Variants in GTF3C2 observed in about 807,000 individuals in gnomAD.
GTF3C2 encodes general transcription factor IIIC subunit 2.
Under a neutral mutation model 117.4 loss-of-function variants are expected in GTF3C2, and 17 were observed. That is an observed-to-expected ratio of 0.14 (90% CI 0.10 to 0.22). The LOEUF (loss-of-function observed/expected upper bound fraction) is 0.22, where lower values mean the gene tolerates loss of function less well. Ranked by LOEUF, GTF3C2 falls within the 10% of genes least tolerant of loss-of-function variation. GTF3C2 has a pLI of 1.00. For synonymous variants in GTF3C2, 437 were observed against 427.0 expected, an observed-to-expected ratio of 1.02 and a Z score of -0.29; for missense variants, 888 against 1,143.6, an observed-to-expected ratio of 0.78 and a Z score of 3.22.
At chr2:27,331,307 T>C (rs960908626) in intron 12 of GTF3C2, among the ~76,000 whole-genome samples, 1 of 152,098 alleles carries the variant, frequency 6.6e-6, no homozygotes, top group East Asian at 1.9e-4. Context: ...TAGCAGAAAG[T>C]CTACTTATAT....
intron 1 of GTF3C2, among the ~76,000 whole-genome samples, chr2:27,351,474 C>T (rs1435945988): frequency 6.6e-6 from 1 of 152,092 alleles, no homozygotes; most frequent in Non-Finnish European, 1.5e-5. Context: ...CCTGCTGAAT[C>T]AACAAGCCCC....
chr2:27,348,377 C>T (rs1680994043), intron 1 of GTF3C2, among the ~76,000 whole-genome samples: 3 of 151,522 alleles, frequency 2.0e-5, no homozygotes, highest in Admixed American at 2.0e-4. Flanking sequence ...GAGGTGGAGG[C>T]TGCAGTGAGC....
chr2:27,345,973 G>A (rs1249098070), intron 1 of GTF3C2, among the ~76,000 whole-genome samples: 4 of 149,314 alleles, frequency 2.7e-5, no homozygotes, highest in African/African-American at 7.4e-5. Context: ...CCTTGGCCCC[G>A]CAAAGTGCTA....
intron 6 of GTF3C2, 57 bp downstream of exon 6, chr2:27,337,424 C>G: frequency 6.8e-7 from 1 of 1,462,616 alleles, no homozygotes; most frequent in Non-Finnish European, 9.6e-7. Flanking sequence ...CTCTGTCACC[C>G]TTTCGTCTCC....
At chr2:27,335,685 C>A in exon 10 of GTF3C2, 1 of 1,561,418 alleles carries the variant, frequency 6.4e-7, no homozygotes, top group African/African-American at 1.4e-5. Context: ...GCCAAGAGAC[C>A]CAACCGGGGC....
chr2:27,346,702 T>A (rs1680929022), intron 1 of GTF3C2, among the ~76,000 whole-genome samples: 1 of 150,776 alleles, frequency 6.6e-6, no homozygotes, highest in East Asian at 1.9e-4. Context: ...TAAAAAAAAT[T>A]TTTTTTTTCT....
intron 4 of GTF3C2, among the ~76,000 whole-genome samples, chr2:27,339,284 G>A (rs547742723): frequency 2.0e-5 from 3 of 151,712 alleles, no homozygotes; most frequent in East Asian, 3.9e-4. Context: ...GTGTGCACCC[G>A]TAATCTCAGC....
intron 1 of GTF3C2, among the ~76,000 whole-genome samples, chr2:27,355,883 C>T (rs535491076): frequency 7.1e-4 from 108 of 152,206 alleles, no homozygotes; most frequent in African/African-American, 2.4e-3. Flanking sequence ...CTTACATAAA[C>T]AATTATAAGT....
At chr2:27,336,082 G>A (rs1680465181) in intron 8 of GTF3C2, 54 bp from the exon 9 acceptor site, 1 of 1,413,310 alleles carries the variant, frequency 7.1e-7, no homozygotes, top group Non-Finnish European at 1.0e-6. Context: ...ACGCAGGGCT[G>A]CCAGAGGTAA....
chr2:27,326,336 A>G (rs992501481), exon 19 of GTF3C2: 1 of 459,448 alleles, frequency 2.2e-6, no homozygotes, highest in Non-Finnish European at 4.2e-6. Context: ...TCACAAAAAC[A>G]CCCAGTACCT....
intron 1 of GTF3C2, among the ~76,000 whole-genome samples, chr2:27,346,857 GA>G (rs1680934812): frequency 6.6e-6 from 1 of 151,836 alleles, no homozygotes; most frequent in Non-Finnish European, 1.5e-5. Flanking sequence ...AATACGCCCA[GA>G]TACGTTTTTA....
chr2:27,337,099 C>T, intron 7 of GTF3C2, 145 bp downstream of exon 7: 2 of 625,556 alleles, frequency 3.2e-6, no homozygotes, highest in South Asian at 4.0e-5. Context: ...GAGGACTGAC[C>T]AGCTCTAGTC....
intron 1 of GTF3C2, among the ~76,000 whole-genome samples, chr2:27,345,406 A>C (rs993650561): frequency 1.3e-5 from 2 of 152,144 alleles, no homozygotes; most frequent in African/African-American, 4.8e-5. Context: ...CAGCCTGGCC[A>C]ACATGGTGAA....
chr2:27,354,129 T>A (rs544256599), intron 1 of GTF3C2, among the ~76,000 whole-genome samples: 247 of 149,088 alleles, frequency 1.7e-3, no homozygotes, highest in Non-Finnish European at 3.0e-3. Context: ...AACAAAAATG[T>A]TTAATTAGCT....
chr2:27,335,861 G>A lies in GTF3C2; in HGVS notation c.1467+56C>T. 11 of 1,237,786 alleles carry A rather than the reference G, an allele frequency of 8.9e-6. 1 individual carries two copies. The highest frequency in any genetic ancestry group is 1.9e-4 in the Middle Eastern group (1 of 5,324). 76.7% of individuals were successfully genotyped at this position (1,237,786 alleles called of 1,614,324 possible). On this transcript the variant is annotated intron_variant, in intron 9 of 18. Transcript: ENST00000264720. ...TCCTTCAACTCTAAGAATTCCCAGG[G>A]CCTCTTTGTCCTGGCTTTGAGTCCT...
chr2:27,333,696 G>A (rs1457625702), exon 12 of GTF3C2: 1 of 1,612,148 alleles, frequency 6.2e-7, no homozygotes, highest in Non-Finnish European at 8.5e-7. Context: ...GGGCCTGGTA[G>A]GCATCCAGGC....
At chr2:27,350,948 CA>C (rs1179397836) in intron 1 of GTF3C2, among the ~76,000 whole-genome samples, 15,520 of 97,248 alleles carry the variant, frequency 0.16, 1,190 homozygotes, top group Admixed American at 0.35. Context: ...GACTCCATCT[CA>C]AAAAAAAAAA....
chr2:27,342,264 TCA>T, intron 3 of GTF3C2, 31 bp from the exon 4 acceptor site: 1 of 1,574,046 alleles, frequency 6.4e-7, no homozygotes, highest in South Asian at 1.1e-5. Context: ...AGAGCCATTC[TCA>T]CATATGACTG....
At chr2:27,330,899 T>C (rs1289424783) in intron 12 of GTF3C2, among the ~76,000 whole-genome samples, 2 of 151,984 alleles carry the variant, frequency 1.3e-5, no homozygotes, top group African/African-American at 2.4e-5. Context: ...GAGATAGAGG[T>C]TGCAGTGAGC....
Sources: allele counts gnomAD v4.1 joint callset (sites outside exome capture counted in the v4.1 genomes callset), GRCh38; gene constraint gnomAD v4.1.1; transcripts MANE v1.5; gene names NCBI Gene and HGNC (gene_info 2026-07-23, HGNC 2026-07-21).